Variants in GPN3 observed in about 807,000 individuals in gnomAD.
The protein encoded by GPN3 is GPN-loop GTPase 3.
In GPN3, 31 loss-of-function variants were observed where a neutral mutation model predicts 38.7. The ratio of observed to expected loss-of-function variants is 0.80; its 90% CI spans 0.60 to 1.08. The LOEUF (loss-of-function observed/expected upper bound fraction) is 1.08. Among genes scored for constraint, GPN3 ranks in the 50% least tolerant of loss-of-function variants. The probability of loss-of-function intolerance (pLI) is 0.00; values close to 1 mark genes in which losing one functional copy is unlikely to be tolerated. For synonymous variants in GPN3, 116 were observed against 120.2 expected, an observed-to-expected ratio of 0.96 and a Z score of 0.23; for missense variants, 301 against 354.4, an observed-to-expected ratio of 0.85 and a Z score of 1.21.
Position 110,457,493 on chromosome 12 carries a change from G to C in GPN3, c.450+17C>G. On this transcript the variant is annotated intron_variant, in intron 4 of 7. Transcript: ENST00000228827. ...AAAAAAAAAAAAAAAAAATCTGTAA[G>C]AGATTTAGCTTCAGACCTTGAATGA... The C allele has an allele frequency of 1.1e-6, 1 of 881,086 alleles. No individual in the cohort carries two copies. Among genetic ancestry groups the C allele is most frequent in the Non-Finnish European group, 1.7e-6 (1 of 602,458 alleles). 54.6% of individuals were successfully genotyped at this position (881,086 alleles called of 1,614,324 possible).
upstream of GPN3, chr12:110,468,429 T>C (rs1333772722): frequency 2.6e-6 from 4 of 1,534,656 alleles, no homozygotes; most frequent in East Asian, 2.4e-5. Flanking sequence ...GCAAAAGTAG[T>C]TGATGGAAAT....
chr12:110,463,292 C>T (rs2062603933), intron 2 of GPN3, among the ~76,000 whole-genome samples: 1 of 151,328 alleles, frequency 6.6e-6, no homozygotes, highest in Admixed American at 6.6e-5. Context: ...CCCGCCTCTA[C>T]AAAAAATACA....
rs2062544508 is a variant in GPN3, at chr12:110,455,657, A to C, written c.592T>G (p.Leu198Val). Residue 198 changes from leucine (L) to valine (V), a missense_variant, in exon 6 of 8, where the codon TTA becomes GTA. Leu to Val is a conservative substitution (Grantham distance 32, BLOSUM62 1). Coordinates refer to ENST00000228827, the MANE Select transcript of GPN3 (RefSeq NM_016301.4). ...AAGTCACTTGTAGAATCTTCTAATAAAGAATACATGTCTGGATCTAAAAAT... is the reference window on the plus strand; with the variant it reads ...AAGTCACTTGTAGAATCTTCTAATACAGAATACATGTCTGGATCTAAAAAT... ...EKFLDPDMYS[L>V]LEDSTSDLRS... 1 of 1,359,672 alleles carries C rather than the reference A, an allele frequency of 7.4e-7. No individual in the cohort carries two copies. Among genetic ancestry groups the C allele is most frequent in the East Asian group, 2.3e-5 (1 of 43,770 alleles). The allele number at this position is 1,359,672 out of a possible 1,614,324, so 84.2% of individuals were successfully genotyped here.
In GPN3 at chr12:110,458,082, C is replaced by T. The variant is rs1339903888; in HGVS notation, c.326-448G>A. ...AGTGAGCCAAGATCACGCCACTGCA[C>T]TCCAGCCTGGGCGACAGAGTAAGAC... On this transcript the variant is annotated intron_variant, in intron 3 of 7. Transcript: ENST00000228827. This position sits in a 1 kb window ranked among gnomAD's most constrained non-coding sequence, Gnocchi z 4.4. Among the ~76,000 whole-genome samples the T allele has an allele frequency of 6.6e-6, 1 of 152,002 alleles. No individual in the cohort carries two copies. Among genetic ancestry groups the T allele is most frequent in the Non-Finnish European group, 1.5e-5 (1 of 68,006 alleles).
chr12:110,454,126 A>C (rs972035399), intron 6 of GPN3, among the ~76,000 whole-genome samples: 5 of 152,140 alleles, frequency 3.3e-5, no homozygotes, highest in African/African-American at 1.2e-4. Context: ...TGAATTCAAC[A>C]ACCACTGGAA....
chr12:110,468,580 A>G (rs1592971536), upstream of GPN3: 2 of 1,537,182 alleles, frequency 1.3e-6, no homozygotes, highest in South Asian at 1.2e-5. Context: ...GCGATTTGCA[A>G]ATGTGCTGAG....
chr12:110,453,804 A>G lies in GPN3; in HGVS notation c.731T>C (p.Val244Ala), dbSNP rs17850320. The G allele has an allele frequency of 6.3e-6, 10 of 1,590,336 alleles. No individual in the cohort carries two copies. The highest frequency in any genetic ancestry group is 7.8e-6 in the Non-Finnish European group (9 of 1,158,302). Residue 244 changes from valine (V) to alanine (A), a missense_variant, in exon 7 of 8, where the codon GTA becomes GCA. Physicochemically the swap from Val to Ala is moderately conservative, Grantham distance 64 (BLOSUM62 0). Coordinates refer to ENST00000228827, the MANE Select transcript of GPN3 (RefSeq NM_016301.4). ...DQSDEESMNI[V>A]LQHIDFAIQY... ...AATGGCAAAATCAATATGCTGCAAT[A>G]CAATGTTCATGCTTTCTTCATCTGA...
At chr12:110,461,976 G>A (rs553042797) in intron 2 of GPN3, among the ~76,000 whole-genome samples, 1 of 152,192 alleles carries the variant, frequency 6.6e-6, no homozygotes, top group Admixed American at 6.5e-5. Flanking sequence ...TGAGTGGCTG[G>A]GAATAAAGGC....
intron 6 of GPN3, 148 bp downstream of exon 6, chr12:110,455,438 A>C (rs1282685820): frequency 5.2e-6 from 3 of 573,574 alleles, no homozygotes; most frequent in East Asian, 2.9e-5. Flanking sequence ...TAATTTAAAA[A>C]ATTTTTTTAG....
In GPN3 at chr12:110,465,017, A is replaced by G. The variant is rs2062617201; in HGVS notation, c.157+89T>C. The G allele has an allele frequency of 9.1e-6, 7 of 771,062 alleles. No homozygotes were observed. In the East Asian group the frequency reaches 9.8e-5, roughly 11 times the overall value. 47.8% of individuals were successfully genotyped at this position (771,062 alleles called of 1,614,324 possible). A position where few individuals can be genotyped will look rare whatever the true frequency, so the allele number is the denominator to read the frequency against. ...CATAACACCAGGGATCCAGACTATAATAAGTATCAGTGCTAAGCAGCTAGT... is the reference window on the plus strand; with the variant it reads ...CATAACACCAGGGATCCAGACTATAGTAAGTATCAGTGCTAAGCAGCTAGT... On this transcript the variant is annotated intron_variant, in intron 2 of 7. Coordinates refer to ENST00000228827, the MANE Select transcript of GPN3 (RefSeq NM_016301.4).
intron 2 of GPN3, chr12:110,460,990 G>A: frequency 6.9e-7 from 1 of 1,451,824 alleles, no homozygotes; most frequent in Non-Finnish European, 9.7e-7. Flanking sequence ...CCAGCAGAAT[G>A]GCTCCTGCAA....
upstream of GPN3, chr12:110,468,506 TC>T (rs755057112): frequency 2.0e-6 from 3 of 1,537,294 alleles, no homozygotes; most frequent in Non-Finnish European, 2.6e-6. Flanking sequence ...AAGCTCCGCA[TC>T]CTTGCGCCAC....
At chr12:110,467,978 A>G in intron 1 of GPN3, 178 bp downstream of exon 1, 1 of 857,766 alleles carries the variant, frequency 1.2e-6, no homozygotes, top group Non-Finnish European at 1.9e-6. Context: ...ATTAACAACT[A>G]CCATTATTTC....
chr12:110,459,743 T>C lies in GPN3; in HGVS notation c.277A>G (p.Asn93Asp), dbSNP rs768916707. 1.9e-6 allele frequency: 3 copies of C among 1,613,298 alleles called. No individual in the cohort carries two copies. The East Asian group carries it at 6.7e-5, about 36-fold the overall frequency. Residue 93 changes from asparagine (N) to aspartate (D), a missense_variant, in exon 3 of 8, where the codon AAC becomes GAC. Transcript: ENST00000228827. ...YFANNFDWLE[N>D]CLGHVEDDYI... The stretch of plus-strand genomic sequence containing the variant: ...TCGTCCTCTACATGGCCAAGACAGT[T>C]CTCCAGCCAGTCAAAATTATTGGCA...
upstream of GPN3, chr12:110,468,468 A>C: frequency 6.5e-7 from 1 of 1,537,098 alleles, no homozygotes; most frequent in South Asian, 1.2e-5. Flanking sequence ...CTAAGCTTGG[A>C]TACCTGAGTA....
At chr12:110,454,512 C>T (rs891523127) in intron 6 of GPN3, among the ~76,000 whole-genome samples, 4 of 151,716 alleles carry the variant, frequency 2.6e-5, no homozygotes, top group African/African-American at 9.7e-5. Context: ...CCTACCATGC[C>T]CGGCTAATTT....
At chr12:110,467,398 A>G (rs757845442) in intron 1 of GPN3, among the ~76,000 whole-genome samples, 3 of 152,156 alleles carry the variant, frequency 2.0e-5, no homozygotes, top group Non-Finnish European at 2.9e-5. Context: ...TTTTATCCCT[A>G]CTGTAAACTG....
At chr12:110,463,148 G>T (rs760546799) in intron 2 of GPN3, among the ~76,000 whole-genome samples, 1 of 152,100 alleles carries the variant, frequency 6.6e-6, no homozygotes, top group East Asian at 1.9e-4. Context: ...GGCCAAGTGC[G>T]GTGGCTCATG....
intron 7 of GPN3, 56 bp from the exon 8 acceptor site, chr12:110,453,152 T>C: frequency 1.2e-6 from 1 of 833,218 alleles, no homozygotes. Flanking sequence ...CAGTCAGAAC[T>C]AGTATGTGTT....
Sources: gnomAD v4.1 joint callset for allele counts (sites outside exome capture counted in the v4.1 genomes callset) on GRCh38, gnomAD v4.1.1 for gene constraint, Gnocchi (gnomAD v3.1) non-coding constraint, MANE v1.5 for transcripts, NCBI Gene and HGNC (gene_info 2026-07-23, HGNC 2026-07-21) for gene names.